Variants in CDYL2 observed in about 807,000 individuals in gnomAD.
CDYL2 encodes chromodomain Y like 2, also known as chromodomain Y-like protein 2.
CDYL2 carries 23 observed loss-of-function variants against 49.4 expected under a neutral mutation model. That is an observed-to-expected ratio of 0.47 (90% confidence interval 0.34 to 0.66). The LOEUF (loss-of-function observed/expected upper bound fraction) is 0.66. Ranked by LOEUF, CDYL2 falls within the 30% of genes least tolerant of loss-of-function variation. The probability of loss-of-function intolerance (pLI) is 0.01; values close to 1 mark genes in which losing one functional copy is unlikely to be tolerated. For missense variants in CDYL2, 678 were observed against 656.4 expected (o/e 1.03, Z -0.36); for synonymous variants, 360 against 268.8 (o/e 1.34, Z -3.32).
At chr16:80,625,615 G>C (rs1021774725) in intron 3 of CDYL2, among the ~76,000 whole-genome samples, 1 of 152,076 alleles carries the variant, frequency 6.6e-6, no homozygotes, top group Admixed American at 6.6e-5. Flanking sequence ...ACAACAAAAA[G>C]CTAAGCAATA....
chr16:80,685,250 G>A (rs745815078), intron 1 of CDYL2, 121 bp from the exon 2 acceptor site: 6 of 730,026 alleles, frequency 8.2e-6, no homozygotes, highest in Non-Finnish European at 1.3e-5. Context: ...CAGGGGGTGA[G>A]CCACGAGCCA....
intron 1 of CDYL2, among the ~76,000 whole-genome samples, chr16:80,754,408 A>G (rs1374900218): frequency 6.6e-6 from 1 of 152,238 alleles, no homozygotes; most frequent in Non-Finnish European, 1.5e-5. Context: ...CCACCCTAAC[A>G]TCATAAATTA....
chr16:80,616,681 T>G (rs1049245801), intron 4 of CDYL2, among the ~76,000 whole-genome samples: 1 of 152,070 alleles, frequency 6.6e-6, no homozygotes, highest in Non-Finnish European at 1.5e-5. Flanking sequence ...CACCCCTTAG[T>G]CCAGGCGCCC....
At chr16:80,641,812 G>A (rs913040677) in intron 2 of CDYL2, among the ~76,000 whole-genome samples, 2 of 151,356 alleles carry the variant, frequency 1.3e-5, no homozygotes, top group South Asian at 2.1e-4. Flanking sequence ...ACGAGTTAAC[G>A]GGTGCAGCAC....
At chr16:80,666,236 A>G (rs921582871) in intron 2 of CDYL2, among the ~76,000 whole-genome samples, 3 of 152,302 alleles carry the variant, frequency 2.0e-5, no homozygotes, top group African/African-American at 7.2e-5. Context: ...TGCTCTTATC[A>G]GTTTCTTCGC....
At chr16:80,746,610 C>T (rs1477889228) in intron 1 of CDYL2, among the ~76,000 whole-genome samples, 1 of 152,194 alleles carries the variant, frequency 6.6e-6, no homozygotes, top group East Asian at 1.9e-4. Flanking sequence ...TAATTCCTGG[C>T]TCAGACAGCC....
chr16:80,609,500 CT>C (rs1469792406), intron 5 of CDYL2, among the ~76,000 whole-genome samples: 1 of 152,212 alleles, frequency 6.6e-6, no homozygotes, highest in Non-Finnish European at 1.5e-5. Flanking sequence ...GATAATAAGT[CT>C]TAGCATATGC....
At chr16:80,641,750 G>C (rs1908098250) in intron 2 of CDYL2, among the ~76,000 whole-genome samples, 1 of 111,834 alleles carries the variant, frequency 8.9e-6, no homozygotes, top group African/African-American at 3.4e-5. Context: ...ACTGTTGTGG[G>C]GTGGGGGGAG....
At chr16:80,706,493 C>G (rs992337069) in intron 1 of CDYL2, among the ~76,000 whole-genome samples, 4 of 152,190 alleles carry the variant, frequency 2.6e-5, no homozygotes, top group African/African-American at 9.7e-5. Flanking sequence ...GAATCATGAT[C>G]ACATTGTTGC....
chr16:80,663,705 G>A (rs1391698824), intron 2 of CDYL2, among the ~76,000 whole-genome samples: 1 of 152,018 alleles, frequency 6.6e-6, no homozygotes, highest in Non-Finnish European at 1.5e-5. Flanking sequence ...TGATTCTCCT[G>A]CCTCAGCTTC....
At chr16:80,638,420 T>C (rs759105497) in intron 2 of CDYL2, among the ~76,000 whole-genome samples, 13 of 152,216 alleles carry the variant, frequency 8.5e-5, no homozygotes, top group African/African-American at 2.9e-4. Context: ...ACTTGATCTA[T>C]AGACTCAATG....
chr16:80,686,781 C>T (rs909630485), intron 1 of CDYL2, among the ~76,000 whole-genome samples: 3 of 152,184 alleles, frequency 2.0e-5, no homozygotes, highest in Non-Finnish European at 4.4e-5. Flanking sequence ...AATAACTAGA[C>T]CATACTGCCT....
At chr16:80,633,708 G>A (rs1268742861) in intron 2 of CDYL2, among the ~76,000 whole-genome samples, 1 of 150,122 alleles carries the variant, frequency 6.7e-6, no homozygotes, top group African/African-American at 2.4e-5. Context: ...CAGAGATGGG[G>A]CTCTGGGACC....
intron 1 of CDYL2, among the ~76,000 whole-genome samples, chr16:80,781,468 T>C (rs1045758019): frequency 3.9e-5 from 6 of 152,020 alleles, no homozygotes; most frequent in Admixed American, 6.5e-5. Context: ...TATTTAACAA[T>C]AGACAGAACA....
chr16:80,689,069 T>TATGA (rs3077555), intron 1 of CDYL2, among the ~76,000 whole-genome samples: 3,990 of 152,128 alleles, frequency 0.026, 74 homozygotes, highest in African/African-American at 0.063. Context: ...TATTTGCACA[T>TATGA]ATGAATGAAT....
intron 2 of CDYL2, among the ~76,000 whole-genome samples, chr16:80,646,321 C>G (rs1908344089): frequency 2.0e-5 from 3 of 151,706 alleles, no homozygotes; most frequent in Non-Finnish European, 4.4e-5. Context: ...CATAACCAGA[C>G]AAAAATCACC....
chr16:80,658,776 A>T (rs779815732), intron 2 of CDYL2, among the ~76,000 whole-genome samples: 1 of 152,196 alleles, frequency 6.6e-6, no homozygotes, highest in Admixed American at 6.5e-5. Flanking sequence ...CTAAATAACA[A>T]TCCCACTAAA....
At chr16:80,686,128 C>T (rs1364173456) in intron 1 of CDYL2, among the ~76,000 whole-genome samples, 2 of 152,206 alleles carry the variant, frequency 1.3e-5, no homozygotes, top group Non-Finnish European at 2.9e-5. Context: ...GGATTTGAAC[C>T]TTTATGTGTC....
intron 1 of CDYL2, among the ~76,000 whole-genome samples, chr16:80,748,287 G>A (rs1308067608): frequency 1.3e-5 from 2 of 148,470 alleles, no homozygotes; most frequent in South Asian, 2.1e-4. Context: ...AGCACTTTGG[G>A]AGGCCGAGAC....
Sources: gnomAD v4.1 joint callset for allele counts (sites outside exome capture counted in the v4.1 genomes callset) on GRCh38, gnomAD v4.1.1 for gene constraint, MANE v1.5 for transcripts, NCBI Gene and HGNC (gene_info 2026-07-23, HGNC 2026-07-21) for gene names.